CCDC93: variants seen among roughly 807,000 people sequenced by gnomAD.
The protein encoded by CCDC93 is CCC complex scaffolding subunit CCDC93, also known as coiled-coil domain-containing protein 93.
CCDC93 carries 61 observed loss-of-function variants against 108.2 expected under a neutral mutation model. That is an observed-to-expected ratio of 0.56 (90% CI 0.46 to 0.70). The LOEUF (loss-of-function observed/expected upper bound fraction) is 0.70. Ranked by LOEUF, CCDC93 falls within the 30% of genes least tolerant of loss-of-function variation. The pLI is 0.00. For missense variants in CCDC93, 685 were observed against 764.2 expected, an observed-to-expected ratio of 0.90 and a Z score of 1.22; for synonymous variants, 276 against 260.4, an observed-to-expected ratio of 1.06 and a Z score of -0.58.
chr2:117,960,331 G>C (rs957382053), intron 11 of CCDC93, among the ~76,000 whole-genome samples: 2 of 152,196 alleles, frequency 1.3e-5, no homozygotes, highest in Non-Finnish European at 2.9e-5. Context: ...CAGGCTTCGA[G>C]ACTGAGACGT....
At chr2:117,969,979 G>T (rs1392136499) in intron 11 of CCDC93, among the ~76,000 whole-genome samples, 2 of 151,994 alleles carry the variant, frequency 1.3e-5, no homozygotes, top group African/African-American at 4.8e-5. Context: ...TTACTGAAAG[G>T]CCCCATGATT....
chr2:117,979,044 G>A (rs1468999493), intron 7 of CCDC93, among the ~76,000 whole-genome samples: 1 of 152,020 alleles, frequency 6.6e-6, no homozygotes. Flanking sequence ...CAAGTTTAAG[G>A]CTACTCTGTG....
chr2:117,959,294 T>C (rs1432029370), intron 11 of CCDC93, among the ~76,000 whole-genome samples: 1 of 152,250 alleles, frequency 6.6e-6, no homozygotes, highest in Non-Finnish European at 1.5e-5. Context: ...GTAGACCGTT[T>C]TGCAATAAGT....
chr2:117,954,188 C>T (rs550448964), intron 12 of CCDC93, among the ~76,000 whole-genome samples: 2 of 152,294 alleles, frequency 1.3e-5, no homozygotes, highest in East Asian at 3.9e-4. Context: ...ACTCATCTGA[C>T]ATTTACCCAA....
At chr2:117,976,737 C>A (rs776461990) in intron 8 of CCDC93, among the ~76,000 whole-genome samples, 4 of 152,106 alleles carry the variant, frequency 2.6e-5, no homozygotes, top group Non-Finnish European at 4.4e-5. Context: ...CCTAAACCAG[C>A]TAGTCTGGCT....
intron 1 of CCDC93, among the ~76,000 whole-genome samples, chr2:118,009,438 G>A (rs1328167545): frequency 6.6e-6 from 1 of 150,950 alleles, no homozygotes; most frequent in Non-Finnish European, 1.5e-5. Context: ...GAGGCCAAGT[G>A]GGGGTGCCGA....
intron 12 of CCDC93, among the ~76,000 whole-genome samples, chr2:117,955,699 C>A (rs1274924946): frequency 6.6e-6 from 1 of 152,122 alleles, no homozygotes; most frequent in Middle Eastern, 3.2e-3. Flanking sequence ...GCTGTGTGAA[C>A]TGAATGAGTT....
In CCDC93 at chr2:117,929,136, G is replaced by A. The variant is rs187984308; in HGVS notation, c.1842+1901C>T. Among the ~76,000 whole-genome samples the A allele has an allele frequency of 4.7e-3, 714 of 152,178 alleles. 3 individuals carry two copies. Among genetic ancestry groups the A allele is most frequent in the African/African-American group, 0.016 (664 of 41,488 alleles). On this transcript the variant is annotated intron_variant, in intron 23 of 23. Transcript: ENST00000376300. ...GGGGTGGGGGGAGGTGGGAGGGATA[G>A]CATTAGAAGATATACCTAATGTTAA...
chr2:117,984,321 C>T (rs1441591565), intron 7 of CCDC93, among the ~76,000 whole-genome samples: 8 of 152,154 alleles, frequency 5.3e-5, no homozygotes, highest in Non-Finnish European at 1.0e-4. Context: ...GGTATCAAGA[C>T]ACTGCTCTTT....
chr2:117,957,778 C>T, intron 12 of CCDC93, among the ~76,000 whole-genome samples: 1 of 152,082 alleles, frequency 6.6e-6, no homozygotes. Flanking sequence ...AGACTTCCTG[C>T]CTGGAAATAC....
At chr2:117,936,768 A>G (rs1392404116) in intron 20 of CCDC93, 29 bp from the exon 21 acceptor site, 8 of 1,599,334 alleles carry the variant, frequency 5.0e-6, no homozygotes, top group Middle Eastern at 3.3e-4. Context: ...AAACGAAATT[A>G]TAAGACAGGC....
Position 117,985,902 on chromosome 2 carries a change from C to A in CCDC93, c.620+67G>T, listed in dbSNP as rs911978405. Reference sequence around the variant, plus strand: ...TCGGGTAGAAGCTAGTCAAGTTAATCCAAATGAAGCAACTTAAATTAGCTT... The same window carrying A: ...TCGGGTAGAAGCTAGTCAAGTTAATACAAATGAAGCAACTTAAATTAGCTT... On this transcript the variant is annotated intron_variant, in intron 7 of 23. Coordinates refer to ENST00000376300, the MANE Select transcript of CCDC93 (RefSeq NM_019044.5). The A allele has an allele frequency of 1.7e-5, 16 of 958,688 alleles. No individual in the cohort carries two copies. The African/African-American group carries it at 2.0e-4, about 12-fold the overall frequency. 59.4% of individuals were successfully genotyped at this position (958,688 alleles called of 1,614,324 possible).
rs574531517 is a variant in CCDC93, at chr2:117,916,415, G to A, written c.*3928C>T. On this transcript the variant is annotated 3_prime_UTR_variant, in exon 24 of 24. Coordinates refer to ENST00000376300, the MANE Select transcript of CCDC93 (RefSeq NM_019044.5). ...ACCTTGTTTCATCTCAAACTTCAAGGTTACAGTATAACATACTCTGAGAGA... is the reference window on the plus strand; with the variant it reads ...ACCTTGTTTCATCTCAAACTTCAAGATTACAGTATAACATACTCTGAGAGA... The A allele has an allele frequency of 9.9e-5, 15 of 152,048 alleles. No homozygotes were observed. Among genetic ancestry groups the A allele is most frequent in the Non-Finnish European group, 1.8e-4 (12 of 68,032 alleles). The allele number at this position is 152,048 out of a possible 1,614,324, so 9.4% of individuals were successfully genotyped here.
chr2:117,952,195 T>C (rs1206252076), intron 13 of CCDC93, among the ~76,000 whole-genome samples, 178 bp downstream of exon 13: 1 of 151,410 alleles, frequency 6.6e-6, no homozygotes, highest in Non-Finnish European at 1.5e-5. Flanking sequence ...GGCAAACTGA[T>C]GACATGGGTC....
chr2:117,916,258 T>A lies in CCDC93; in HGVS notation c.*4085A>T, dbSNP rs1436396259. ...GCCCATCAAGTTACCTTTAGGTTCA[T>A]GACACATTTTGAGCCAAAACATACC... On this transcript the variant is annotated 3_prime_UTR_variant, in exon 24 of 24. Coordinates refer to ENST00000376300, the MANE Select transcript of CCDC93 (RefSeq NM_019044.5). 6.6e-6 allele frequency: 1 copy of A among 152,190 alleles called. No individual in the cohort carries two copies. The highest frequency in any genetic ancestry group is 2.4e-5 in the African/African-American group (1 of 41,456). The allele number at this position is 152,190 out of a possible 1,614,324, so 9.4% of individuals were successfully genotyped here. A position where few individuals can be genotyped will look rare whatever the true frequency, so the allele number is the denominator to read the frequency against.
chr2:117,929,690 T>C (rs965359812), intron 23 of CCDC93, among the ~76,000 whole-genome samples: 48 of 152,310 alleles, frequency 3.2e-4, no homozygotes, highest in African/African-American at 1.0e-3. Flanking sequence ...GGGCAGCAAA[T>C]TCCTAATTGT....
chr2:118,003,849 T>C (rs1238443249), intron 3 of CCDC93, among the ~76,000 whole-genome samples: 2 of 152,132 alleles, frequency 1.3e-5, no homozygotes, highest in African/African-American at 4.8e-5. Flanking sequence ...GGAAAGAAAG[T>C]GAGAAAGACT....
chr2:117,947,188 T>C (rs1678900383), intron 15 of CCDC93, among the ~76,000 whole-genome samples: 1 of 152,174 alleles, frequency 6.6e-6, no homozygotes, highest in Non-Finnish European at 1.5e-5. Context: ...TCTTGTCTGT[T>C]TCCTCTCTCC....
rs1030041606 is a variant in CCDC93 at position 117,917,005 on chromosome 2, C to T, written c.*3338G>A. 2.6e-5 allele frequency: 4 copies of T among 152,166 alleles called. No individual in the cohort carries two copies. The highest frequency in any genetic ancestry group is 9.7e-5 in the African/African-American group (4 of 41,436). The allele number at this position is 152,166 out of a possible 1,614,324, so 9.4% of individuals were successfully genotyped here. On this transcript the variant is annotated 3_prime_UTR_variant, in exon 24 of 24. Transcript: ENST00000376300. ...TGTTCTTTTACTTTGAGGCCAACAC[C>T]AGCCATGAGTAAATCATAAAGTGCT...
Sources: gnomAD v4.1 joint callset for allele counts (sites outside exome capture counted in the v4.1 genomes callset) on GRCh38, gnomAD v4.1.1 for gene constraint, MANE v1.5 for transcripts, NCBI Gene and HGNC (gene_info 2026-07-23, HGNC 2026-07-21) for gene names.